SOX1: variants seen among roughly 807,000 people sequenced by gnomAD.
SOX1 encodes transcription factor SOX-1.
In SOX1, 1 loss-of-function variant was observed where a neutral mutation model predicts 0.9. The ratio of observed to expected loss-of-function variants is 1.07; its 90% confidence interval spans 0.38 to 5.06. The LOEUF (loss-of-function observed/expected upper bound fraction) is 5.06. Among genes scored for constraint, SOX1 ranks in the 30% most tolerant of loss-of-function variants. SOX1 has a pLI of 0.16. For synonymous variants in SOX1, 397 were observed against 265.5 expected (o/e 1.50, Z -4.81); for missense variants, 564 against 534.4 (o/e 1.06, Z -0.55).
chr13:112,067,235 A>AAGGAGACAGCGCGCAGCGGCGGCCGGCG lies in SOX1; in HGVS notation c.-413_-386dup, dbSNP rs1269910823. Among the ~76,000 whole-genome samples the AAGGAGACAGCGCGCAGCGGCGGCCGGCG allele has an allele frequency of 6.6e-6, 1 of 151,694 alleles. No individual in the cohort carries two copies. Among genetic ancestry groups the AAGGAGACAGCGCGCAGCGGCGGCCGGCG allele is most frequent in the Non-Finnish European group, 1.5e-5 (1 of 67,928 alleles). On this transcript the variant is annotated 5_prime_UTR_variant, in exon 1 of 1. Transcript: ENST00000330949. The surrounding 1 kb of genome is among the most constrained non-coding windows in gnomAD (Gnocchi z 5.1). ...GCCGCTGAGGACCGAGCGCAGGAGG[A>AAGGAGACAGCGCGCAGCGGCGGCCGGCG]AGGAGACAGCGCGCAGCGGCGGCCG...
rs1875857419 is a variant in SOX1, at chr13:112,070,978, T to C, written c.*2144T>C. 6.6e-6 allele frequency among the ~76,000 whole-genome samples: 1 copy of C among 152,186 alleles called. No homozygotes were observed. The highest frequency in any genetic ancestry group is 1.5e-5 in the Non-Finnish European group (1 of 68,040). On this transcript the variant is annotated 3_prime_UTR_variant, in exon 1 of 1. Transcript: ENST00000330949. Reference sequence around the variant, plus strand: ...ATGGCTGAGCACCACTACGACTTAGTCCGGGATAAGGGCCTCCCCAGTCCT... The same window carrying C: ...ATGGCTGAGCACCACTACGACTTAGCCCGGGATAAGGGCCTCCCCAGTCCT...
Position 112,068,213 on chromosome 13 carries a change from C to A in SOX1, c.555C>A (p.Asn185Lys). Residue 185 changes from asparagine (N) to lysine (K), a missense_variant, in exon 1 of 1, where the codon AAC (asparagine) becomes AAA (lysine). Asn to Lys is a moderately conservative substitution (Grantham distance 94). Coordinates refer to ENST00000330949, the MANE Select transcript of SOX1 (RefSeq NM_005986.3). This position sits in a 1 kb window ranked among gnomAD's most constrained non-coding sequence, Gnocchi z 6.9. ...CGGGCGGCGGCTACGCGCACGTCAA[C>A]GGCTGGGCCAACGGCGCCTACCCCG... ...GAAGGGYAHV[N>K]GWANGAYPGS... 1.3e-6 allele frequency: 1 copy of A among 770,136 alleles called. No individual in the cohort carries two copies. The highest frequency in any genetic ancestry group is 5.5e-5 in the South Asian group (1 of 18,036). 47.7% of individuals were successfully genotyped at this position (770,136 alleles called of 1,614,324 possible).
Position 112,068,771 on chromosome 13 carries a change from G to A in SOX1, c.1113G>A (p.Leu371=). 8 of 1,215,448 alleles carry A rather than the reference G, an allele frequency of 6.6e-6. No individual in the cohort carries two copies. The highest frequency in any genetic ancestry group is 8.2e-6 in the Non-Finnish European group (8 of 978,056). 75.3% of individuals were successfully genotyped at this position (1,215,448 alleles called of 1,614,324 possible). Residue 371 remains leucine (L), a synonymous_variant, in exon 1 of 1, where the codon CTG becomes CTA. Transcript: ENST00000330949. The surrounding 1 kb of genome is among the most constrained non-coding windows in gnomAD (Gnocchi z 6.9). ...CGGCGCAGAGCCGGCTGCACTCGCT[G>A]CCGCAGCACTACCAGGGCGCGGGCG... ...AAAAQSRLHS[L]PQHYQGAGAG...
rs997834289 is a variant in SOX1, at chr13:112,071,677, C to T, written c.*2843C>T. On this transcript the variant is annotated 3_prime_UTR_variant, in exon 1 of 1. Coordinates refer to ENST00000330949, the MANE Select transcript of SOX1 (RefSeq NM_005986.3). ...TGATGATAGTTATTATATTATATGA[C>T]GACTTCATTCACTTCCCAAATCACA... Among the ~76,000 whole-genome samples the T allele has an allele frequency of 6.6e-6, 1 of 152,124 alleles. No homozygotes were observed. Among genetic ancestry groups the T allele is most frequent in the African/African-American group, 2.4e-5 (1 of 41,430 alleles).
At position 112,068,258 on chromosome 13, in the gene SOX1, G is replaced by A. The variant is rs1335003246; in HGVS notation, c.600G>A (p.Ala200=). The A allele has an allele frequency of 6.5e-6, 5 of 772,796 alleles. No homozygotes were observed. The highest frequency in any genetic ancestry group is 1.1e-4 in the East Asian group (1 of 9,450). The allele number at this position is 772,796 out of a possible 1,614,324, so 47.9% of individuals were successfully genotyped here. A position where few individuals can be genotyped will look rare whatever the true frequency, so the allele number is the denominator to read the frequency against. ...ACCCCGGCTCGGTGGCGGCGGCGGC[G>A]GCGGCCGCGGCCATGATGCAGGAGG... The part of the protein sequence containing the change: ...GAYPGSVAAA[A]AAAAMMQEAQ... Residue 200 remains alanine, a synonymous_variant, in exon 1 of 1, where the codon GCG becomes GCA. Transcript: ENST00000330949. This position sits in a 1 kb window ranked among gnomAD's most constrained non-coding sequence, Gnocchi z 6.9.
chr13:112,067,595 C>T lies in SOX1; in HGVS notation c.-64C>T, dbSNP rs879824266. 8.5e-5 allele frequency: 88 copies of T among 1,035,804 alleles called. 1 individual carries two copies. The Middle Eastern group carries it at 1.3e-3, about 16-fold the overall frequency. The allele number at this position is 1,035,804 out of a possible 1,614,324, so 64.2% of individuals were successfully genotyped here. On this transcript the variant is annotated 5_prime_UTR_variant, in exon 1 of 1. Coordinates refer to ENST00000330949, the MANE Select transcript of SOX1 (RefSeq NM_005986.3). The surrounding 1 kb of genome is among the most constrained non-coding windows in gnomAD (Gnocchi z 5.1). ...TCTGAATTCCTCTCCGTCTCCCTCCCACCCCGGCCGTCTATGCTCCAGGCC... is the reference window on the plus strand; with the variant it reads ...TCTGAATTCCTCTCCGTCTCCCTCCTACCCCGGCCGTCTATGCTCCAGGCC...
chr13:112,067,909 G>A lies in SOX1; in HGVS notation c.251G>A (p.Arg84His), dbSNP rs1429869975. Residue 84 changes from arginine to histidine, a missense_variant, in exon 1 of 1, where the codon CGC becomes CAC. Coordinates refer to ENST00000330949, the MANE Select transcript of SOX1 (RefSeq NM_005986.3). The surrounding 1 kb of genome is among the most constrained non-coding windows in gnomAD (Gnocchi z 5.1). ...PKMHNSEISK[R>H]LGAEWKVMSE... is the part of the protein sequence containing the mutation. ...ATGCACAACTCGGAGATCAGCAAGC[G>A]CCTGGGGGCCGAGTGGAAGGTCATG... 3 of 1,608,284 alleles carry A rather than the reference G, an allele frequency of 1.9e-6. No homozygotes were observed. Among genetic ancestry groups the A allele is most frequent in the Non-Finnish European group, 1.7e-6 (2 of 1,177,074 alleles).
In SOX1 at chr13:112,067,637, G is replaced by C; in HGVS notation, c.-22G>C. On this transcript the variant is annotated 5_prime_UTR_variant, in exon 1 of 1. Transcript: ENST00000330949. This position sits in a 1 kb window ranked among gnomAD's most constrained non-coding sequence, Gnocchi z 5.1. ...CTCCAGGCCCTCTCCTCGCGGTGCC[G>C]GTGAACCCGCCAGCCGCCCCGATGT... 2.1e-5 allele frequency: 26 copies of C among 1,263,028 alleles called. No homozygotes were observed. The highest frequency in any genetic ancestry group is 2.6e-5 in the Non-Finnish European group (26 of 992,450). The allele number at this position is 1,263,028 out of a possible 1,614,324, so 78.2% of individuals were successfully genotyped here.
In SOX1 at chr13:112,068,694, A is replaced by G. The variant is rs1242916596; in HGVS notation, c.1036A>G (p.Met346Val). The G allele has an allele frequency of 3.2e-5, 38 of 1,177,206 alleles. No homozygotes were observed. In the East Asian group the frequency reaches 1.4e-3, roughly 43 times the overall value. The allele number at this position is 1,177,206 out of a possible 1,614,324, so 72.9% of individuals were successfully genotyped here. Residue 346 changes from methionine (M) to valine (V), a missense_variant, in exon 1 of 1, where the codon ATG (methionine) becomes GTG (valine). By Grantham distance (21) the Met-to-Val change is conservative. Transcript: ENST00000330949. This position sits in a 1 kb window ranked among gnomAD's most constrained non-coding sequence, Gnocchi z 6.9. ...CPGDLREMISMYLPAGEGGDP... is the reference protein window; with the variant it reads ...CPGDLREMISVYLPAGEGGDP... ...CGGGGACCTGCGCGAGATGATCAGC[A>G]TGTACTTGCCCGCCGGCGAGGGGGG...
rs1456626510 is a variant in SOX1, at chr13:112,071,207, G to C, written c.*2373G>C. Among the ~76,000 whole-genome samples, 1 of 152,166 alleles carries C rather than the reference G, an allele frequency of 6.6e-6. No individual in the cohort carries two copies. The highest frequency in any genetic ancestry group is 1.5e-5 in the Non-Finnish European group (1 of 68,030). On this transcript the variant is annotated 3_prime_UTR_variant, in exon 1 of 1. Transcript: ENST00000330949. ...CTGGAGTTTCTGTGTCCAATTGTTG[G>C]CATCTAGGTCTTGGCTCAAGATTAG...
chr13:112,068,462 G>C lies in SOX1; in HGVS notation c.804G>C (p.Ala268=), dbSNP rs1416217654. The change falls in exon 1 of 1, where the codon GCG becomes GCC. Residue 268 remains alanine (A), a synonymous_variant. Coordinates refer to ENST00000330949, the MANE Select transcript of SOX1 (RefSeq NM_005986.3). The surrounding 1 kb of genome is among the most constrained non-coding windows in gnomAD (Gnocchi z 6.9). ...PISNSQGYMS[A]SPSGYGGLPY... Reference sequence around the variant, plus strand: ...CCAACTCGCAGGGCTACATGAGCGCGTCGCCCTCGGGCTACGGCGGCCTCC... The same window carrying C: ...CCAACTCGCAGGGCTACATGAGCGCCTCGCCCTCGGGCTACGGCGGCCTCC... The C allele has an allele frequency of 1.7e-6, 2 of 1,189,826 alleles. No individual in the cohort carries two copies. 73.7% of individuals were successfully genotyped at this position (1,189,826 alleles called of 1,614,324 possible).
At position 112,068,366 on chromosome 13, in the gene SOX1, G is replaced by T; in HGVS notation, c.708G>T (p.Pro236=). The change falls in exon 1 of 1, where the codon CCG becomes CCT. Residue 236 remains proline, a synonymous_variant. Coordinates refer to ENST00000330949, the MANE Select transcript of SOX1 (RefSeq NM_005986.3). The surrounding 1 kb of genome is among the most constrained non-coding windows in gnomAD (Gnocchi z 6.9). ...CCGCGCACCCGCACCCGCACCACCCGCACGCGCACCCGCACAACCCGCAGC... is the reference window on the plus strand; with the variant it reads ...CCGCGCACCCGCACCCGCACCACCCTCACGCGCACCCGCACAACCCGCAGC... ...AHPAHPHPHH[P]HAHPHNPQPM... 7.9e-7 allele frequency: 1 copy of T among 1,267,446 alleles called. No homozygotes were observed. The allele number at this position is 1,267,446 out of a possible 1,614,324, so 78.5% of individuals were successfully genotyped here. A position where few individuals can be genotyped will look rare whatever the true frequency, so the allele number is the denominator to read the frequency against.
rs978393387 is a variant in SOX1 at position 112,071,065 on chromosome 13, G to A, written c.*2231G>A. 6.6e-6 allele frequency among the ~76,000 whole-genome samples: 1 copy of A among 152,180 alleles called. No homozygotes were observed. Among genetic ancestry groups the A allele is most frequent in the African/African-American group, 2.4e-5 (1 of 41,440 alleles). On this transcript the variant is annotated 3_prime_UTR_variant, in exon 1 of 1. Transcript: ENST00000330949. The stretch of plus-strand genomic sequence containing the variant: ...TTCTGTTAACTCACCGGGACCTTGA[G>A]GGTCCAATGGGACCTTGAGGGTTTT...
Position 112,068,990 on chromosome 13 carries a change from G to C in SOX1, c.*156G>C, listed in dbSNP as rs1880812888. ...TGGAGACGAACGCCGGGTGACGCGT[G>C]TCCCCCACTCACCTTCCCCGGAGAC... On this transcript the variant is annotated 3_prime_UTR_variant, in exon 1 of 1. Transcript: ENST00000330949. The surrounding 1 kb of genome is among the most constrained non-coding windows in gnomAD (Gnocchi z 6.9). 1 of 503,498 alleles carries C rather than the reference G, an allele frequency of 2.0e-6. No homozygotes were observed. The highest frequency in any genetic ancestry group is 5.0e-5 in the Admixed American group (1 of 19,822). The allele number at this position is 503,498 out of a possible 1,614,324, so 31.2% of individuals were successfully genotyped here.
At position 112,067,169 on chromosome 13, in the gene SOX1, G is replaced by A. The variant is rs1223608663; in HGVS notation, c.-490G>A. On this transcript the variant is annotated 5_prime_UTR_variant, in exon 1 of 1. Coordinates refer to ENST00000330949, the MANE Select transcript of SOX1 (RefSeq NM_005986.3). The surrounding 1 kb of genome is among the most constrained non-coding windows in gnomAD (Gnocchi z 5.1). ...GGACCAGCACATGCCCAGCGCACGC[G>A]GCGCGCCGCCCTGCTAGAAGTTGCA... 6.8e-6 allele frequency among the ~76,000 whole-genome samples: 1 copy of A among 147,714 alleles called. No homozygotes were observed. Among genetic ancestry groups the A allele is most frequent in the Non-Finnish European group, 1.5e-5 (1 of 67,280 alleles).
rs1452414511 is a variant in SOX1 at position 112,069,463 on chromosome 13, T to C, written c.*629T>C. ...CATTTCCATTTTTTTTTTTGGGTTTTGTATTATTTCTTGTAAATGCATTGT... is the reference window on the plus strand; with the variant it reads ...CATTTCCATTTTTTTTTTTGGGTTTCGTATTATTTCTTGTAAATGCATTGT... On this transcript the variant is annotated 3_prime_UTR_variant, in exon 1 of 1. Transcript: ENST00000330949. 1 of 167,006 alleles carries C rather than the reference T, an allele frequency of 6.0e-6. No homozygotes were observed. Among genetic ancestry groups the C allele is most frequent in the Non-Finnish European group, 1.5e-5 (1 of 68,120 alleles). The allele number at this position is 167,006 out of a possible 1,614,324, so 10.3% of individuals were successfully genotyped here. A position where few individuals can be genotyped will look rare whatever the true frequency, so the allele number is the denominator to read the frequency against.
In SOX1 at chr13:112,069,875, G is replaced by C. The variant is rs573721638; in HGVS notation, c.*1041G>C. On this transcript the variant is annotated 3_prime_UTR_variant, in exon 1 of 1. Coordinates refer to ENST00000330949, the MANE Select transcript of SOX1 (RefSeq NM_005986.3). Reference sequence around the variant, plus strand: ...GAGAAATAAAAGTATCTTCTGCTCCGGCTGTTTCACTGCGGACGGCTGGGG... The same window carrying C: ...GAGAAATAAAAGTATCTTCTGCTCCCGCTGTTTCACTGCGGACGGCTGGGG... 7 of 167,072 alleles carry C rather than the reference G, an allele frequency of 4.2e-5. No homozygotes were observed. Among genetic ancestry groups the C allele is most frequent in the Non-Finnish European group, 1.0e-4 (7 of 68,148 alleles). The allele number at this position is 167,072 out of a possible 1,614,324, so 10.3% of individuals were successfully genotyped here.
chr13:112,069,704 C>A lies in SOX1; in HGVS notation c.*870C>A, dbSNP rs1190730775. 6.0e-6 allele frequency: 1 copy of A among 167,026 alleles called. No homozygotes were observed. The highest frequency in any genetic ancestry group is 1.5e-5 in the Non-Finnish European group (1 of 68,114). The allele number at this position is 167,026 out of a possible 1,614,324, so 10.3% of individuals were successfully genotyped here. A position where few individuals can be genotyped will look rare whatever the true frequency, so the allele number is the denominator to read the frequency against. On this transcript the variant is annotated 3_prime_UTR_variant, in exon 1 of 1. Coordinates refer to ENST00000330949, the MANE Select transcript of SOX1 (RefSeq NM_005986.3). ...TGAGTTCAAAATGCAATGAGGAAAT[C>A]TGACAGGGAAATTATCTGTATGAAC... is the stretch of plus-strand genomic sequence containing the variant.
rs1270596388 is a variant in SOX1, at chr13:112,071,261, CTA to C, written c.*2429_*2430del. On this transcript the variant is annotated 3_prime_UTR_variant, in exon 1 of 1. Transcript: ENST00000330949. ...GTGGGCCCCACTTTAGAGGCACAGA[CTA>C]TGAAAAGCTGAGTTAGTGCGCCCGG... Among the ~76,000 whole-genome samples, 1 of 152,204 alleles carries C rather than the reference CTA, an allele frequency of 6.6e-6. No individual in the cohort carries two copies. The highest frequency in any genetic ancestry group is 1.5e-5 in the Non-Finnish European group (1 of 68,042).
Sources: allele counts gnomAD v4.1 joint callset (sites outside exome capture counted in the v4.1 genomes callset), GRCh38; gene constraint gnomAD v4.1.1; non-coding constraint Gnocchi (gnomAD v3.1); transcripts MANE v1.5; gene names NCBI Gene and HGNC (gene_info 2026-07-23, HGNC 2026-07-21).